PDE1A: variants seen among roughly 807,000 people sequenced by gnomAD.
PDE1A encodes dual specificity calcium/calmodulin-dependent 3',5'-cyclic nucleotide phosphodiesterase 1A.
PDE1A carries 35 observed loss-of-function variants against 61.7 expected under a neutral mutation model. The ratio of observed to expected loss-of-function variants is 0.57; its 90% CI spans 0.43 to 0.75. PDE1A has a LOEUF of 0.75. Among genes scored for constraint, PDE1A ranks in the 30% least tolerant of loss-of-function variants. The probability of loss-of-function intolerance (pLI) is 0.00; values close to 1 mark genes in which losing one functional copy is unlikely to be tolerated. For missense variants in PDE1A, 597 were observed against 630.6 expected, an observed-to-expected ratio of 0.95 and a Z score of 0.57; for synonymous variants, 232 against 213.2, an observed-to-expected ratio of 1.09 and a Z score of -0.77.
intron 2 of PDE1A, among the ~76,000 whole-genome samples, chr2:182,252,448 A>G (rs2125736699): frequency 6.6e-6 from 1 of 152,336 alleles, no homozygotes; most frequent in East Asian, 1.9e-4. Context: ...GGAAAAATCC[A>G]TGTCCCATGG....
chr2:182,263,050 T>C (rs1692342584), intron 2 of PDE1A, among the ~76,000 whole-genome samples: 3 of 151,956 alleles, frequency 2.0e-5, no homozygotes, highest in Admixed American at 1.3e-4. Flanking sequence ...TGTTATTTAG[T>C]TGCCCATCCA....
intron 1 of PDE1A, among the ~76,000 whole-genome samples, chr2:182,306,707 T>G (rs1157684765): frequency 6.6e-6 from 1 of 152,044 alleles, no homozygotes; most frequent in Admixed American, 6.6e-5. Flanking sequence ...AAGAATACAA[T>G]GGGAAGAAGA....
At chr2:182,269,056 A>G (rs1430519069) in intron 1 of PDE1A, among the ~76,000 whole-genome samples, 1 of 152,180 alleles carries the variant, frequency 6.6e-6, no homozygotes, top group Non-Finnish European at 1.5e-5. Context: ...AAAAATGTTG[A>G]TTGTTATTAT....
rs578177183 is a variant in PDE1A at position 182,389,008 on chromosome 2, T to C, written c.53+37570A>G. Among the ~76,000 whole-genome samples, 9 of 152,048 alleles carry C rather than the reference T, an allele frequency of 5.9e-5. No homozygotes were observed. The East Asian group carries it at 9.6e-4, about 16-fold the overall frequency. ...CATCATGAGAGACTACTATGAACAA[T>C]TGTAAAAGAGGACTTCAAAAGATTC... On this transcript the variant is annotated intron_variant, in intron 1 of 13. Transcript: ENST00000351439.
At chr2:182,218,261 G>C (rs1216701231) in intron 7 of PDE1A, among the ~76,000 whole-genome samples, 1 of 127,430 alleles carries the variant, frequency 7.8e-6, no homozygotes, top group African/African-American at 3.0e-5. Context: ...ACACTCTGGG[G>C]ACTGTTGTGG....
intron 2 of PDE1A, among the ~76,000 whole-genome samples, chr2:182,512,347 T>C (rs1689855741): frequency 6.6e-6 from 1 of 152,128 alleles, no homozygotes; most frequent in African/African-American, 2.4e-5. Context: ...AGCTGAGACT[T>C]GGCCCCCTGA....
chr2:182,568,561 A>G, the PDE1A span, among the ~76,000 whole-genome samples: 26 of 151,938 alleles, frequency 1.7e-4, no homozygotes, highest in Admixed American at 1.3e-4. Context: ...AGCTACTCGG[A>G]AGGCTGAGGC....
the PDE1A span, among the ~76,000 whole-genome samples, chr2:182,629,501 T>A: frequency 1.3e-5 from 2 of 152,134 alleles, no homozygotes; most frequent in Admixed American, 1.3e-4. Context: ...AGTGGGAGGA[T>A]CTTACTTATG....
intron 13 of PDE1A, among the ~76,000 whole-genome samples, chr2:182,173,551 T>C (rs1692437778): frequency 7.0e-6 from 1 of 142,930 alleles, no homozygotes; most frequent in Non-Finnish European, 1.5e-5. Context: ...ATAAAGGAAA[T>C]ATATAATATA....
intron 1 of PDE1A, among the ~76,000 whole-genome samples, chr2:182,347,970 G>C (rs1250434212): frequency 6.6e-6 from 1 of 152,064 alleles, no homozygotes; most frequent in Non-Finnish European, 1.5e-5. Context: ...GTAGTTTTGG[G>C]GAAAAAGGAT....
chr2:182,677,942 TAATAAAATACTC>T, the PDE1A span, among the ~76,000 whole-genome samples: 1 of 152,184 alleles, frequency 6.6e-6, no homozygotes, highest in African/African-American at 2.4e-5. Context: ...TACTCCTTCC[TAATAAAATACTC>T]AATAAAATAG....
chr2:182,543,128 C>T, the PDE1A span, among the ~76,000 whole-genome samples: 2 of 152,066 alleles, frequency 1.3e-5, no homozygotes, highest in African/African-American at 4.8e-5. Context: ...GAGGAGACCA[C>T]TCAAATCATG....
the PDE1A span, among the ~76,000 whole-genome samples, chr2:182,536,520 A>C: frequency 6.6e-6 from 1 of 152,236 alleles, no homozygotes; most frequent in African/African-American, 2.4e-5. Flanking sequence ...GCAGTAAAGA[A>C]GACTATAAAA....
intron 2 of PDE1A, among the ~76,000 whole-genome samples, chr2:182,258,106 T>C (rs1390477245): frequency 2.0e-5 from 3 of 151,090 alleles, no homozygotes; most frequent in African/African-American, 7.3e-5. Context: ...AGGTGGAGCT[T>C]GCAGTGAGCC....
chr2:182,484,954 TG>T (rs1008731488), intron 2 of PDE1A, among the ~76,000 whole-genome samples: 1 of 152,082 alleles, frequency 6.6e-6, no homozygotes, highest in African/African-American at 2.4e-5. Flanking sequence ...AAAGACAGTG[TG>T]GCGATCCCTC....
chr2:182,396,434 T>C (rs995910868), intron 1 of PDE1A, among the ~76,000 whole-genome samples: 2 of 152,206 alleles, frequency 1.3e-5, no homozygotes, highest in African/African-American at 2.4e-5. Context: ...AGAAGCATGA[T>C]TGGAAAATTA....
At chr2:182,596,308 G>T in the PDE1A span, among the ~76,000 whole-genome samples, 3 of 152,238 alleles carry the variant, frequency 2.0e-5, no homozygotes, top group South Asian at 6.2e-4. Context: ...AGGCAAAGGG[G>T]AGTCCGAAGA....
chr2:182,327,129 T>C (rs1021431072), intron 1 of PDE1A, among the ~76,000 whole-genome samples: 4 of 152,192 alleles, frequency 2.6e-5, no homozygotes, highest in African/African-American at 9.6e-5. Context: ...GTTCCTGTTT[T>C]AGTAGAGCTG....
At chr2:182,663,074 G>T in the PDE1A span, among the ~76,000 whole-genome samples, 1 of 151,880 alleles carries the variant, frequency 6.6e-6, no homozygotes, top group East Asian at 1.9e-4. Context: ...ATGACCATAT[G>T]AAAAAAAGGT....
Sources: gnomAD v4.1 joint callset for allele counts (sites outside exome capture counted in the v4.1 genomes callset) on GRCh38, gnomAD v4.1.1 for gene constraint, MANE v1.5 for transcripts, NCBI Gene and HGNC (gene_info 2026-07-23, HGNC 2026-07-21) for gene names.